FILIP1L: variants seen among roughly 807,000 people sequenced by gnomAD.
FILIP1L encodes filamin A interacting protein 1 like.
A neutral mutation model predicts 96.6 loss-of-function variants in FILIP1L; 55 were observed. That is an observed-to-expected ratio of 0.57 (90% CI 0.46 to 0.71). The LOEUF is 0.71. Ranked by LOEUF, FILIP1L falls within the 30% of genes least tolerant of loss-of-function variation. The pLI, the probability that FILIP1L is intolerant of heterozygous loss-of-function variation, is 0.00. For synonymous variants in FILIP1L, 467 were observed against 473.9 expected (o/e 0.99, Z 0.19); for missense variants, 1,304 against 1,321.2 (o/e 0.99, Z 0.20).
intron 1 of FILIP1L, among the ~76,000 whole-genome samples, chr3:99,995,942 A>G (rs1462491712): frequency 6.6e-6 from 1 of 151,720 alleles, no homozygotes; most frequent in African/African-American, 2.4e-5. Context: ...TTGTGTGAAG[A>G]CCTCTGACAT....
In FILIP1L at chr3:100,082,429, A is replaced by G. The variant is rs1276705799; in HGVS notation, c.-11+31624T>C. On this transcript the variant is annotated intron_variant, in intron 1 of 5. Transcript: ENST00000477258. ...ACAGATAAGAAAACTCACTGTTATC[A>G]TAACTTACAGCTTTAAGACTGGTAG... 3.9e-5 allele frequency among the ~76,000 whole-genome samples: 6 copies of G among 152,340 alleles called. No individual in the cohort carries two copies. In the South Asian group the frequency reaches 6.2e-4, roughly 16 times the overall value.
intron 1 of FILIP1L, among the ~76,000 whole-genome samples, chr3:100,035,321 T>G (rs989986169): frequency 7.2e-5 from 11 of 152,208 alleles, no homozygotes; most frequent in Non-Finnish European, 1.5e-4. Flanking sequence ...TCACCCAGGC[T>G]GGAGTTCAAT....
rs1705428477 is a variant in FILIP1L, at chr3:99,874,789, C to T, written c.606-23719G>A. Among the ~76,000 whole-genome samples the T allele has an allele frequency of 2.0e-5, 3 of 152,192 alleles. No homozygotes were observed. In the South Asian group the frequency reaches 6.2e-4, roughly 32 times the overall value. On this transcript the variant is annotated intron_variant, in intron 4 of 5. Transcript: ENST00000477258. ...TTCAATGATAAAATCTGGGATCTGA[C>T]ATTTTCTTCTGACAATTAAATATAA...
intron 1 of FILIP1L, among the ~76,000 whole-genome samples, chr3:100,056,958 C>G (rs375760750): frequency 6.6e-6 from 1 of 151,944 alleles, no homozygotes; most frequent in Admixed American, 6.6e-5. Context: ...GAGCCGAGAT[C>G]GCACCACTGC....
intron 4 of FILIP1L, among the ~76,000 whole-genome samples, chr3:99,922,443 T>C (rs904320992): frequency 2.0e-5 from 3 of 152,126 alleles, no homozygotes; most frequent in African/African-American, 7.2e-5. Context: ...CTGCCCCCTC[T>C]CTGCCGTGTA....
intron 4 of FILIP1L, among the ~76,000 whole-genome samples, chr3:99,878,288 T>A (rs540827059): frequency 1.3e-5 from 2 of 152,352 alleles, no homozygotes; most frequent in East Asian, 3.9e-4. Context: ...CCATACTTAG[T>A]GCTCTACAAG....
chr3:99,881,150 A>G (rs189761284), intron 4 of FILIP1L, among the ~76,000 whole-genome samples: 201 of 152,308 alleles, frequency 1.3e-3, no homozygotes, highest in African/African-American at 4.5e-3. Context: ...AGGGGATGCC[A>G]TAAGTTGGCT....
chr3:99,896,950 T>G lies in FILIP1L; in HGVS notation c.605+27280A>C, dbSNP rs142442576. 3.9e-5 allele frequency among the ~76,000 whole-genome samples: 6 copies of G among 152,348 alleles called. No individual in the cohort carries two copies. In the East Asian group the frequency reaches 1.2e-3, roughly 29 times the overall value. On this transcript the variant is annotated intron_variant, in intron 4 of 5. Transcript: ENST00000477258. ...TGGCTAATAAATAGAAAATGTATTT[T>G]CAGTCGCAAAATTTAATTATGGCCA...
At chr3:100,021,915 TTGTGTGTGTGTGTGTGTGTG>T (rs61704772) in intron 1 of FILIP1L, among the ~76,000 whole-genome samples, 3 of 105,958 alleles carry the variant, frequency 2.8e-5, no homozygotes, top group African/African-American at 8.0e-5. Context: ...CTAGATCCCA[TTGTGTGTGTGTGTGTGTGTG>T]TGTGTGTGTG....
chr3:100,016,836 T>C (rs914995216), intron 1 of FILIP1L, among the ~76,000 whole-genome samples: 2 of 152,244 alleles, frequency 1.3e-5, no homozygotes, highest in African/African-American at 4.8e-5. Flanking sequence ...TAGGAACAGA[T>C]GCAGATTTCA....
chr3:99,991,877 CAT>C (rs1319545183), intron 1 of FILIP1L, among the ~76,000 whole-genome samples: 1 of 145,418 alleles, frequency 6.9e-6, no homozygotes, highest in Non-Finnish European at 1.5e-5. Flanking sequence ...TATATACACA[CAT>C]ATATGTATAT....
intron 1 of FILIP1L, chr3:100,040,403 G>C (rs371508264): frequency 6.6e-6 from 1 of 152,016 alleles, no homozygotes; most frequent in African/African-American, 2.4e-5. Flanking sequence ...CCAGATAATA[G>C]CATTCCATTT....
At chr3:100,002,883 C>T (rs958587680) in intron 1 of FILIP1L, among the ~76,000 whole-genome samples, 1 of 152,172 alleles carries the variant, frequency 6.6e-6, no homozygotes, top group Admixed American at 6.5e-5. Flanking sequence ...TTCATATTGC[C>T]TTCTCTGATG....
chr3:99,872,658 G>A (rs139474289), intron 4 of FILIP1L, among the ~76,000 whole-genome samples: 1 of 152,222 alleles, frequency 6.6e-6, no homozygotes, highest in East Asian at 1.9e-4. Context: ...AGCCAGTAGA[G>A]CATAGAAATG....
chr3:100,090,758 G>A (rs937075039), intron 1 of FILIP1L, among the ~76,000 whole-genome samples: 2 of 152,176 alleles, frequency 1.3e-5, no homozygotes, highest in South Asian at 4.1e-4. Flanking sequence ...CAACTTGTCT[G>A]ATCACCACTG....
chr3:100,062,112 T>C (rs1418537069), intron 1 of FILIP1L, among the ~76,000 whole-genome samples: 22 of 91,082 alleles, frequency 2.4e-4, no homozygotes, highest in African/African-American at 8.0e-4. Flanking sequence ...TTTTTTTTTT[T>C]TTTTTTTTTT....
At chr3:99,903,642 C>A (rs1019896419) in intron 4 of FILIP1L, among the ~76,000 whole-genome samples, 2 of 152,052 alleles carry the variant, frequency 1.3e-5, no homozygotes, top group Admixed American at 6.5e-5. Flanking sequence ...ATGGATGATT[C>A]CAAAAATTGG....
In FILIP1L at chr3:100,022,386, T is replaced by C. The variant is rs113097300; in HGVS notation, c.-10-91356A>G. On this transcript the variant is annotated intron_variant, in intron 1 of 5. Transcript: ENST00000477258. ...TCATTCTAGTTCCACTGTCTCTGCC[T>C]TCATGCTTGTTACGGCACAACTCTG... 2.1e-3 allele frequency among the ~76,000 whole-genome samples: 325 copies of C among 152,340 alleles called. 2 individuals carry two copies. The highest frequency in any genetic ancestry group is 7.1e-3 in the Admixed American group (109 of 15,294).
chr3:100,067,473 A>G (rs558105243), intron 1 of FILIP1L, among the ~76,000 whole-genome samples: 47 of 152,296 alleles, frequency 3.1e-4, no homozygotes, highest in African/African-American at 1.1e-3. Flanking sequence ...ATTAGTATAC[A>G]TGATTGAGGA....
Sources: gnomAD v4.1 joint callset for allele counts (sites outside exome capture counted in the v4.1 genomes callset) on GRCh38, gnomAD v4.1.1 for gene constraint, MANE v1.5 for transcripts, NCBI Gene and HGNC (gene_info 2026-07-23, HGNC 2026-07-21) for gene names.